The following CCDC97 variants were observed in gnomAD, a reference collection of about 807,000 sequenced individuals.
CCDC97 encodes coiled-coil domain-containing protein 97.
A neutral mutation model predicts 33.9 loss-of-function variants in CCDC97; 27 were observed. That is an observed-to-expected ratio of 0.80 (90% CI 0.59 to 1.10). The LOEUF (loss-of-function observed/expected upper bound fraction) is 1.10, where lower values mean the gene tolerates loss of function less well. Ranked by LOEUF, CCDC97 falls within the 50% of genes least tolerant of loss-of-function variation. The probability of loss-of-function intolerance (pLI) is 0.00; values close to 1 mark genes in which losing one functional copy is unlikely to be tolerated. For missense variants in CCDC97, 422 were observed against 476.6 expected (o/e 0.89, Z 1.07); for synonymous variants, 217 against 194.0 (o/e 1.12, Z -0.99).
chr19:41,315,634 T>G (rs2037737191), intron 1 of CCDC97, among the ~76,000 whole-genome samples: 1 of 150,344 alleles, frequency 6.7e-6, no homozygotes, highest in Non-Finnish European at 1.5e-5. Context: ...AAAAAAAAAT[T>G]TAAAGATTAA....
In CCDC97 at chr19:41,310,374, C is replaced by A. The variant is rs376483978; in HGVS notation, c.46+18C>A. 12 of 1,599,566 alleles carry A rather than the reference C, an allele frequency of 7.5e-6. 1 individual carries two copies. In the African/African-American group the frequency reaches 1.6e-4, roughly 21 times the overall value. ...CGATAAGGGTGAGATCTTGGTCACGCGCAGGCGGCGGGTGGGTGCGGTTGC... is the reference window on the plus strand; with the variant it reads ...CGATAAGGGTGAGATCTTGGTCACGAGCAGGCGGCGGGTGGGTGCGGTTGC... On this transcript the variant is annotated intron_variant, in intron 1 of 4. Coordinates refer to ENST00000269967, the MANE Select transcript of CCDC97 (RefSeq NM_052848.3).
At chr19:41,310,435 A>AGTAG (rs1308488203) in intron 1 of CCDC97, 79 bp downstream of exon 1, 2 of 1,542,230 alleles carry the variant, frequency 1.3e-6, no homozygotes, top group East Asian at 4.9e-5. Flanking sequence ...AGGAACGCGA[A>AGTAG]GTAGGACTCG....
At chr19:41,311,892 C>A (rs567562590) in intron 1 of CCDC97, among the ~76,000 whole-genome samples, 2 of 152,202 alleles carry the variant, frequency 1.3e-5, no homozygotes, top group African/African-American at 4.8e-5. Context: ...GAGCAAGACC[C>A]TGTTTCAAAA....
intron 2 of CCDC97, among the ~76,000 whole-genome samples, chr19:41,317,727 A>C (rs554788674): frequency 1.7e-4 from 26 of 151,466 alleles, no homozygotes; most frequent in South Asian, 4.2e-4. Context: ...AAAAAAAAAA[A>C]ACACAGATGT....
At chr19:41,310,433 G>T in intron 1 of CCDC97, 77 bp downstream of exon 1, 1 of 1,543,588 alleles carries the variant, frequency 6.5e-7, no homozygotes. Flanking sequence ...CCAGGAACGC[G>T]AAGTAGGACT....
chr19:41,316,285 A>G, intron 1 of CCDC97, 99 bp from the exon 2 acceptor site: 1 of 909,128 alleles, frequency 1.1e-6, no homozygotes, highest in Non-Finnish European at 1.7e-6. Flanking sequence ...TGCCCAGAAT[A>G]TAGTCAGTGC....
At chr19:41,318,445 G>A (rs1022347231) in intron 2 of CCDC97, among the ~76,000 whole-genome samples, 2 of 152,160 alleles carry the variant, frequency 1.3e-5, no homozygotes, top group African/African-American at 4.8e-5. Flanking sequence ...GCAACAGAGC[G>A]AGACTCCATC....
Position 41,319,777 on chromosome 19 carries a change from C to G in CCDC97, c.706C>G (p.Arg236Gly). The G allele has an allele frequency of 6.2e-7, 1 of 1,612,772 alleles. No individual in the cohort carries two copies. Among genetic ancestry groups the G allele is most frequent in the Non-Finnish European group, 8.5e-7 (1 of 1,179,528 alleles). Reference sequence around the variant, plus strand: ...CTACGAGGAGCGGGAGCTACAGCAGCGTCTGCTCCAACAGCAGGAGGAGGA... The same window carrying G: ...CTACGAGGAGCGGGAGCTACAGCAGGGTCTGCTCCAACAGCAGGAGGAGGA... ...QSYEERELQQRLLQQQEEEEA... is the reference protein window; with the variant it reads ...QSYEERELQQGLLQQQEEEEA... The change falls in exon 3 of 5, where the codon CGT (arginine) becomes GGT (glycine). Residue 236 changes from arginine to glycine, a missense_variant. Arg to Gly is a moderately radical substitution (Grantham distance 125, BLOSUM62 -2). Transcript: ENST00000269967.
chr19:41,310,436 G>A (rs1275529158), intron 1 of CCDC97, 80 bp downstream of exon 1: 2 of 1,540,772 alleles, frequency 1.3e-6, no homozygotes, highest in Admixed American at 3.9e-5. Context: ...GGAACGCGAA[G>A]TAGGACTCGT....
chr19:41,319,880 G>T, intron 3 of CCDC97, 28 bp downstream of exon 3: 1 of 1,084,870 alleles, frequency 9.2e-7, no homozygotes, highest in Admixed American at 2.0e-5. Context: ...GAAGACCCCA[G>T]ATTCCAGACA....
At chr19:41,317,868 G>A (rs951470405) in intron 2 of CCDC97, among the ~76,000 whole-genome samples, 2 of 151,792 alleles carry the variant, frequency 1.3e-5, no homozygotes, top group African/African-American at 4.8e-5. Context: ...GGCCAACATG[G>A]TGAAACCCCA....
chr19:41,321,602 A>ATGG (rs2037825559), intron 4 of CCDC97, among the ~76,000 whole-genome samples: 1 of 152,206 alleles, frequency 6.6e-6, no homozygotes, highest in South Asian at 2.1e-4. Flanking sequence ...CTAGCACTTC[A>ATGG]TGGTGATGGG....
intron 1 of CCDC97, among the ~76,000 whole-genome samples, chr19:41,312,301 C>T (rs1473081614): frequency 6.6e-6 from 1 of 152,050 alleles, no homozygotes; most frequent in African/African-American, 2.4e-5. Context: ...GCCAGGCTGG[C>T]CTCGAACTTC....
intron 4 of CCDC97, among the ~76,000 whole-genome samples, chr19:41,320,987 T>A (rs566472482): frequency 3.3e-5 from 5 of 152,322 alleles, no homozygotes; most frequent in South Asian, 4.1e-4. Flanking sequence ...GAGAGTGATG[T>A]GTCAGTCAAA....
chr19:41,314,454 TTA>T (rs1273481214), intron 1 of CCDC97, among the ~76,000 whole-genome samples: 1 of 152,114 alleles, frequency 6.6e-6, no homozygotes, highest in Non-Finnish European at 1.5e-5. Flanking sequence ...AGATTTAGAG[TTA>T]TTAAAGAGTG....
At chr19:41,319,933 C>T in intron 3 of CCDC97, 81 bp downstream of exon 3, 3 of 706,024 alleles carry the variant, frequency 4.2e-6, no homozygotes, top group Non-Finnish European at 7.0e-6. Flanking sequence ...TGGCAGCAGG[C>T]TGGGCCCCCA....
Position 41,310,282 on chromosome 19 carries a change from G to A in CCDC97, c.-29G>A, listed in dbSNP as rs777781655. On this transcript the variant is annotated 5_prime_UTR_variant, in exon 1 of 5. Transcript: ENST00000269967. Reference sequence around the variant, plus strand: ...CGGAGGTTAGTGTGCGGGGCCCGCCGGGCGGTTGAAAAGTCCGAGAGAATC... The same window carrying A: ...CGGAGGTTAGTGTGCGGGGCCCGCCAGGCGGTTGAAAAGTCCGAGAGAATC... 5 of 1,586,734 alleles carry A rather than the reference G, an allele frequency of 3.2e-6. 1 individual carries two copies. The South Asian group carries it at 3.4e-5, about 11-fold the overall frequency.
At chr19:41,319,389 C>T (rs368597412) in intron 2 of CCDC97, among the ~76,000 whole-genome samples, 185 bp from the exon 3 acceptor site, 18 of 152,022 alleles carry the variant, frequency 1.2e-4, no homozygotes, top group African/African-American at 3.9e-4. Flanking sequence ...ACGCCTCAGG[C>T]GCCTGCATGA....
rs141810830 is a variant in CCDC97, at chr19:41,311,366, G to A, written c.46+1010G>A. On this transcript the variant is annotated intron_variant, in intron 1 of 4. Coordinates refer to ENST00000269967, the MANE Select transcript of CCDC97 (RefSeq NM_052848.3). ...ACACCACTGCACTCCAGCCTCTGCA[G>A]CAGAGTGAGACTTGAGCCCAGGAGT... Among the ~76,000 whole-genome samples the A allele has an allele frequency of 2.5e-3, 373 of 152,214 alleles. 5 individuals are homozygous for A. The highest frequency in any genetic ancestry group is 4.2e-3 in the Non-Finnish European group (283 of 68,004).
Sources: gnomAD v4.1 joint callset for allele counts (sites outside exome capture counted in the v4.1 genomes callset) on GRCh38, gnomAD v4.1.1 for gene constraint, MANE v1.5 for transcripts, NCBI Gene and HGNC (gene_info 2026-07-23, HGNC 2026-07-21) for gene names.